Variants in ARHGAP15 observed in about 807,000 individuals in gnomAD.
The protein encoded by ARHGAP15 is rho GTPase-activating protein 15.
ARHGAP15 carries 51 observed loss-of-function variants against 63.7 expected under a neutral mutation model. The ratio of observed to expected loss-of-function variants is 0.80; its 90% confidence interval spans 0.64 to 1.01. ARHGAP15 has a LOEUF of 1.01. ARHGAP15 is among the 50% of genes least tolerant of loss of function. The pLI is 0.00. For synonymous variants in ARHGAP15, 191 were observed against 193.8 expected (o/e 0.99, Z 0.12); for missense variants, 560 against 564.6 (o/e 0.99, Z 0.08).
At chr2:143,718,377 T>C (rs1410365070) in intron 13 of ARHGAP15, among the ~76,000 whole-genome samples, 1 of 152,158 alleles carries the variant, frequency 6.6e-6, no homozygotes, top group Non-Finnish European at 1.5e-5. Flanking sequence ...GAAAAATCTT[T>C]TTTGGAAGTA....
chr2:143,638,379 T>C lies in ARHGAP15; in HGVS notation c.1138+14112T>C, dbSNP rs1402806380. Among the ~76,000 whole-genome samples the C allele has an allele frequency of 1.5e-3, 217 of 143,882 alleles. 2 individuals are homozygous for C. The highest frequency in any genetic ancestry group is 5.2e-3 in the African/African-American group (206 of 39,282). 94.4% of individuals were successfully genotyped at this position (143,882 alleles called of 152,430 possible). On this transcript the variant is annotated intron_variant, in intron 12 of 13. Coordinates refer to ENST00000295095, the MANE Select transcript of ARHGAP15 (RefSeq NM_018460.4). ...ACATGGATGAAATTGGAAATCATCATTCTCAGTAAACTATCTCAAGAACAA... is the reference window on the plus strand; with the variant it reads ...ACATGGATGAAATTGGAAATCATCACTCTCAGTAAACTATCTCAAGAACAA...
intron 6 of ARHGAP15, among the ~76,000 whole-genome samples, chr2:143,372,310 T>A (rs1686595980): frequency 6.9e-6 from 1 of 144,110 alleles, no homozygotes; most frequent in Admixed American, 7.2e-5. Context: ...GTCTCTGCAT[T>A]CCAGCCTGGC....
intron 6 of ARHGAP15, among the ~76,000 whole-genome samples, chr2:143,416,212 T>G (rs533934900): frequency 2.0e-5 from 3 of 151,290 alleles, no homozygotes; most frequent in African/African-American, 7.3e-5. Flanking sequence ...GTAACAAACA[T>G]GCACATCCTT....
intron 11 of ARHGAP15, among the ~76,000 whole-genome samples, chr2:143,582,439 T>A (rs1696947394): frequency 6.6e-6 from 1 of 152,152 alleles, no homozygotes; most frequent in Non-Finnish European, 1.5e-5. Context: ...TTATTAGAAT[T>A]ATTCAACTCA....
At position 143,559,096 on chromosome 2, in the gene ARHGAP15, T is replaced by C. The variant is rs535795665; in HGVS notation, c.1003+2611T>C. 3.5e-4 allele frequency among the ~76,000 whole-genome samples: 53 copies of C among 152,292 alleles called. 1 individual carries two copies. The highest frequency in any genetic ancestry group is 1.2e-3 in the African/African-American group (49 of 41,558). ...AGCTTATAACCAGCTAAAATCATTC[T>C]TACAATATAGTTTATGCTGAAACGA... On this transcript the variant is annotated intron_variant, in intron 11 of 13. Coordinates refer to ENST00000295095, the MANE Select transcript of ARHGAP15 (RefSeq NM_018460.4).
chr2:143,670,726 T>C (rs190379892), intron 12 of ARHGAP15, among the ~76,000 whole-genome samples: 1 of 152,306 alleles, frequency 6.6e-6, no homozygotes, highest in East Asian at 1.9e-4. Context: ...TCAGGTCCAC[T>C]GCAGGCAACA....
intron 2 of ARHGAP15, among the ~76,000 whole-genome samples, chr2:143,192,295 C>G (rs1448609410): frequency 1.3e-5 from 2 of 152,170 alleles, no homozygotes. Context: ...TAGGACAGAT[C>G]AAGTAGTCAC....
intron 6 of ARHGAP15, among the ~76,000 whole-genome samples, chr2:143,356,980 G>T (rs894228669): frequency 6.6e-6 from 1 of 152,098 alleles, no homozygotes; most frequent in African/African-American, 2.4e-5. Context: ...AATTCGTTTA[G>T]TTTTTTTCTT....
chr2:143,286,383 C>CAT (rs771905436), intron 6 of ARHGAP15, among the ~76,000 whole-genome samples: 2 of 152,188 alleles, frequency 1.3e-5, no homozygotes, highest in Non-Finnish European at 1.5e-5. Flanking sequence ...ATTTTACACA[C>CAT]ATAAAATACA....
intron 6 of ARHGAP15, among the ~76,000 whole-genome samples, chr2:143,255,785 A>G (rs1464668154): frequency 1.3e-5 from 2 of 152,302 alleles, no homozygotes; most frequent in East Asian, 3.9e-4. Flanking sequence ...TCACATTCAT[A>G]CATGCATTAG....
At chr2:143,572,249 C>T (rs1696490840) in intron 11 of ARHGAP15, 1 of 152,338 alleles carries the variant, frequency 6.6e-6, no homozygotes, top group African/African-American at 2.4e-5. Context: ...TTCTACCTCA[C>T]AAAGATCTAC....
At chr2:143,219,703 C>T (rs1210381888) in intron 4 of ARHGAP15, among the ~76,000 whole-genome samples, 1 of 152,196 alleles carries the variant, frequency 6.6e-6, no homozygotes, top group Non-Finnish European at 1.5e-5. Flanking sequence ...AGAAGGGATT[C>T]TACTTTCCAC....
chr2:143,583,536 G>C (rs1030528446), intron 11 of ARHGAP15, among the ~76,000 whole-genome samples: 7 of 152,046 alleles, frequency 4.6e-5, no homozygotes, highest in Admixed American at 2.6e-4. Flanking sequence ...AAATGGGGGG[G>C]GTGGAAGAGG....
chr2:143,381,474 AGTT>A (rs962160970), intron 6 of ARHGAP15, among the ~76,000 whole-genome samples: 4 of 152,124 alleles, frequency 2.6e-5, no homozygotes, highest in African/African-American at 9.7e-5. Flanking sequence ...AAAAATTGGC[AGTT>A]GTTGTCAGGG....
intron 2 of ARHGAP15, among the ~76,000 whole-genome samples, chr2:143,166,279 G>T (rs568580173): frequency 1.3e-5 from 2 of 152,126 alleles, no homozygotes; most frequent in Admixed American, 6.6e-5. Flanking sequence ...GTGTCCTAAG[G>T]TCTCTGCATT....
chr2:143,153,498 T>C (rs970044976), intron 1 of ARHGAP15, among the ~76,000 whole-genome samples: 5 of 151,986 alleles, frequency 3.3e-5, no homozygotes, highest in Non-Finnish European at 7.4e-5. Flanking sequence ...AAGCAATTGC[T>C]AAAACAACTT....
intron 11 of ARHGAP15, among the ~76,000 whole-genome samples, chr2:143,577,821 G>T (rs1431698971): frequency 6.6e-6 from 1 of 152,110 alleles, no homozygotes; most frequent in East Asian, 1.9e-4. Flanking sequence ...CAGAATTCAG[G>T]AACTGCAGTA....
intron 4 of ARHGAP15, among the ~76,000 whole-genome samples, chr2:143,216,952 GA>G (rs1449490576): frequency 2.0e-5 from 3 of 152,062 alleles, no homozygotes; most frequent in Non-Finnish European, 4.4e-5. Context: ...AAATCTTGAA[GA>G]AAAAAAGTAA....
At chr2:143,258,428 A>T (rs186903068) in intron 6 of ARHGAP15, among the ~76,000 whole-genome samples, 15 of 152,278 alleles carry the variant, frequency 9.9e-5, no homozygotes, top group African/African-American at 3.1e-4. Flanking sequence ...TAAGTTCAAG[A>T]TGAAAGGAAA....
Sources: allele counts gnomAD v4.1 joint callset (sites outside exome capture counted in the v4.1 genomes callset), GRCh38; gene constraint gnomAD v4.1.1; transcripts MANE v1.5; gene names NCBI Gene and HGNC (gene_info 2026-07-23, HGNC 2026-07-21).